Variants in TAFA2 observed in about 807,000 individuals in gnomAD.
The protein encoded by TAFA2 is chemokine-like protein TAFA-2.
TAFA2 carries 7 observed loss-of-function variants against 18.8 expected under a neutral mutation model. The observed-to-expected ratio is 0.37, with a 90% CI of 0.21 to 0.70. The LOEUF is 0.70. TAFA2 is among the 30% of genes least tolerant of loss of function. The probability of loss-of-function intolerance (pLI) is 0.53; values close to 1 mark genes in which losing one functional copy is unlikely to be tolerated. For synonymous variants in TAFA2, 60 were observed against 54.2 expected, an observed-to-expected ratio of 1.11 and a Z score of -0.47; for missense variants, 122 against 158.1, an observed-to-expected ratio of 0.77 and a Z score of 1.23.
intron 4 of TAFA2, among the ~76,000 whole-genome samples, chr12:61,729,796 C>A (rs1592349721): frequency 6.6e-6 from 1 of 151,952 alleles, no homozygotes; most frequent in African/African-American, 2.4e-5. Context: ...GTTATGGAAC[C>A]TTATTTTGTC....
At chr12:62,203,571 T>C (rs1485714076) in intron 1 of TAFA2, among the ~76,000 whole-genome samples, 2 of 152,252 alleles carry the variant, frequency 1.3e-5, no homozygotes, top group Admixed American at 6.5e-5. Context: ...TTGTTGAATT[T>C]AACTCTTTAC....
intron 1 of TAFA2, among the ~76,000 whole-genome samples, chr12:62,205,551 G>GC (rs529208367): frequency 8.5e-4 from 130 of 152,292 alleles, no homozygotes; most frequent in African/African-American, 3.1e-3. Context: ...CCCCAGGGAG[G>GC]CCCCACCCAG....
chr12:62,185,870 C>T (rs1287103726), intron 1 of TAFA2, among the ~76,000 whole-genome samples: 1 of 152,160 alleles, frequency 6.6e-6, no homozygotes, highest in African/African-American at 2.4e-5. Context: ...TTTGTTCTAT[C>T]ACTAGGTGGA....
chr12:62,221,214 G>GC (rs1423486907), intron 1 of TAFA2, among the ~76,000 whole-genome samples: 2 of 67,656 alleles, frequency 3.0e-5, no homozygotes, highest in Admixed American at 1.3e-4. Flanking sequence ...AGGAAGGAAG[G>GC]GGGGAAGGAA....
intron 1 of TAFA2, among the ~76,000 whole-genome samples, chr12:62,189,638 T>G (rs1004012983): frequency 5.3e-5 from 8 of 152,228 alleles, no homozygotes; most frequent in Admixed American, 4.6e-4. Context: ...TCTTCTGATT[T>G]TTAAAGCTTT....
intron 1 of TAFA2, among the ~76,000 whole-genome samples, chr12:62,106,804 G>T (rs972113164): frequency 6.6e-6 from 1 of 152,132 alleles, no homozygotes; most frequent in African/African-American, 2.4e-5. Flanking sequence ...TCACTGTCAG[G>T]AGTAGCAGCA....
chr12:61,829,976 A>G (rs1336249614), intron 2 of TAFA2, among the ~76,000 whole-genome samples: 2 of 151,758 alleles, frequency 1.3e-5, no homozygotes, highest in South Asian at 2.1e-4. Context: ...AACATTGTAG[A>G]CAATAAGAAT....
chr12:61,862,480 T>C (rs570027273), intron 2 of TAFA2, among the ~76,000 whole-genome samples: 53 of 152,360 alleles, frequency 3.5e-4, no homozygotes, highest in Non-Finnish European at 7.2e-4. Flanking sequence ...ATTCTGGATT[T>C]CTACAGTGTT....
At chr12:62,024,356 T>G (rs2136735087) in intron 1 of TAFA2, among the ~76,000 whole-genome samples, 1 of 152,258 alleles carries the variant, frequency 6.6e-6, no homozygotes, top group South Asian at 2.1e-4. Flanking sequence ...GGTCCTATTG[T>G]TCATACCTTC....
chr12:61,864,752 G>A (rs1388263374), intron 2 of TAFA2, among the ~76,000 whole-genome samples: 4 of 123,532 alleles, frequency 3.2e-5, no homozygotes, highest in Non-Finnish European at 4.7e-5. Flanking sequence ...TAGCCTAGGC[G>A]ACAGAGTGAG....
At chr12:62,056,608 A>C (rs776085715) in intron 1 of TAFA2, among the ~76,000 whole-genome samples, 3 of 152,124 alleles carry the variant, frequency 2.0e-5, no homozygotes, top group Non-Finnish European at 4.4e-5. Context: ...CCATCTCTGC[A>C]TTTTGCAACT....
intron 1 of TAFA2, among the ~76,000 whole-genome samples, chr12:62,083,732 T>G (rs544538983): frequency 6.6e-6 from 1 of 152,352 alleles, no homozygotes; most frequent in South Asian, 2.1e-4. Context: ...TATTTTTTTT[T>G]GTAGCAATGG....
chr12:61,971,733 G>A (rs1225860127), intron 1 of TAFA2, among the ~76,000 whole-genome samples: 1 of 151,112 alleles, frequency 6.6e-6, no homozygotes, highest in African/African-American at 2.4e-5. Context: ...TGGGGTAGGG[G>A]GCTGGGGGAG....
At chr12:62,156,868 TACCCCA>T (rs1213606012) in intron 1 of TAFA2, among the ~76,000 whole-genome samples, 3 of 152,146 alleles carry the variant, frequency 2.0e-5, no homozygotes, top group Non-Finnish European at 4.4e-5. Flanking sequence ...ATACCGCCTG[TACCCCA>T]ATAACTTAAG....
chr12:62,185,801 A>G (rs765721694), intron 1 of TAFA2, among the ~76,000 whole-genome samples: 11 of 152,176 alleles, frequency 7.2e-5, no homozygotes, highest in African/African-American at 1.7e-4. Context: ...ATAATGCCCT[A>G]TTGTTTGTAA....
chr12:61,749,832 G>T (rs1338529467), intron 4 of TAFA2, among the ~76,000 whole-genome samples: 1 of 152,054 alleles, frequency 6.6e-6, no homozygotes, highest in East Asian at 1.9e-4. Flanking sequence ...AAGAGACCAA[G>T]TTTCTCTAAC....
At chr12:61,916,462 G>T (rs903247407) in intron 1 of TAFA2, among the ~76,000 whole-genome samples, 2 of 152,144 alleles carry the variant, frequency 1.3e-5, no homozygotes. Flanking sequence ...TTGATAAATG[G>T]TCATCATTGT....
intron 4 of TAFA2, among the ~76,000 whole-genome samples, chr12:61,719,837 C>T (rs1422798784): frequency 6.6e-6 from 1 of 152,174 alleles, no homozygotes; most frequent in Non-Finnish European, 1.5e-5. Flanking sequence ...TTTGTGAGAA[C>T]ATGCCAGAAG....
At chr12:61,812,570 CTT>C (rs748488387) in intron 2 of TAFA2, among the ~76,000 whole-genome samples, 37 of 139,900 alleles carry the variant, frequency 2.6e-4, no homozygotes, top group Non-Finnish European at 2.6e-4. Context: ...ATGTTCCCAT[CTT>C]TTTTTTTTTT....
Sources: allele counts gnomAD v4.1 joint callset (sites outside exome capture counted in the v4.1 genomes callset), GRCh38; gene constraint gnomAD v4.1.1; transcripts MANE v1.5; gene names NCBI Gene and HGNC (gene_info 2026-07-23, HGNC 2026-07-21).